The following TENM1 variants were observed in gnomAD, a reference collection of about 807,000 sequenced individuals.
TENM1 encodes teneurin-1.
TENM1 carries 35 observed loss-of-function variants against 174.8 expected under a neutral mutation model. The ratio of observed to expected loss-of-function variants is 0.20; its 90% CI spans 0.15 to 0.27. The LOEUF is 0.27. TENM1 is among the 10% of genes least tolerant of loss of function. The pLI, the probability that TENM1 is intolerant of heterozygous loss-of-function variation, is 1.00. For missense variants in TENM1, 1,633 were observed against 2,130.1 expected (o/e 0.77, Z 4.59); for synonymous variants, 781 against 798.7 (o/e 0.98, Z 0.37).
intron 4 of TENM1, among the ~76,000 whole-genome samples, chrX:124,719,728 A>C (rs896277398): frequency 8.9e-6 from 1 of 111,982 alleles, no homozygotes; most frequent in African/African-American, 3.3e-5. Context: ...GGTAAGGTCA[A>C]CGTCAAGAAT....
chrX:124,570,091 C>G (rs1385415026), intron 11 of TENM1, among the ~76,000 whole-genome samples: 3 of 111,076 alleles, frequency 2.7e-5, no homozygotes, highest in Non-Finnish European at 3.8e-5. Flanking sequence ...TTACTAACAG[C>G]TTTTTGCCAA....
intron 8 of TENM1, among the ~76,000 whole-genome samples, chrX:124,650,276 G>A (rs1398253808): frequency 1.8e-5 from 2 of 109,178 alleles, no homozygotes; most frequent in Admixed American, 9.8e-5. Context: ...TTTGATTTTG[G>A]GAAAATTTAC....
intron 3 of TENM1, among the ~76,000 whole-genome samples, chrX:124,853,982 G>A (rs933808111): frequency 4.5e-5 from 5 of 110,794 alleles, no homozygotes; most frequent in African/African-American, 1.3e-4. Flanking sequence ...AAAGGTTTAC[G>A]AAATAGATAG....
intron 25 of TENM1, among the ~76,000 whole-genome samples, chrX:124,416,233 G>A (rs986251182): frequency 1.8e-5 from 2 of 111,387 alleles, no homozygotes; most frequent in African/African-American, 6.5e-5. Flanking sequence ...AACCCCATAT[G>A]AATTAACCGT....
intron 23 of TENM1, among the ~76,000 whole-genome samples, chrX:124,444,826 T>C (rs2060948764): frequency 9.0e-6 from 1 of 111,030 alleles, no homozygotes; most frequent in Non-Finnish European, 1.9e-5. Flanking sequence ...TAAAATGAAG[T>C]ATAGTTAAAT....
At chrX:125,049,583 T>G in the TENM1 span, among the ~76,000 whole-genome samples, 2 of 112,288 alleles carry the variant, frequency 1.8e-5, no homozygotes, top group Non-Finnish European at 3.8e-5. Context: ...ATAGAAACTA[T>G]GTTTAACTTT....
the TENM1 span, among the ~76,000 whole-genome samples, chrX:124,976,736 C>T: frequency 9.0e-6 from 1 of 111,028 alleles, no homozygotes; most frequent in Non-Finnish European, 1.9e-5. Context: ...CACAATTCCC[C>T]CTACCTACCC....
the TENM1 span, among the ~76,000 whole-genome samples, chrX:125,082,618 A>G: frequency 9.0e-6 from 1 of 111,125 alleles, no homozygotes; most frequent in Non-Finnish European, 1.9e-5. Flanking sequence ...CCTGTACTTC[A>G]TTCATTTATT....
intron 14 of TENM1, 76 bp from the exon 18 acceptor site, chrX:124,547,166 G>A: frequency 2.5e-6 from 2 of 797,107 alleles, no homozygotes; most frequent in East Asian, 6.9e-5. Context: ...TACATAAATG[G>A]AGAAAATTCT....
Position 124,633,600 on chromosome X carries a change from C to CTA in TENM1, c.2077+8189_2077+8190dup, listed in dbSNP as rs925434213. Reference sequence around the variant, plus strand: ...TAAATTGCCTTACAATCTTAAATTACTATATATATATATAATTATAAAATC... The same window carrying CTA: ...TAAATTGCCTTACAATCTTAAATTACTATATATATATATATAATTATAAAATC... On this transcript the variant is annotated intron_variant, in intron 11 of 31. Transcript: ENST00000422452. Among the ~76,000 whole-genome samples, 156 of 108,838 alleles carry CTA rather than the reference C, an allele frequency of 1.4e-3. 1 individual carries two copies. Among genetic ancestry groups the CTA allele is most frequent in the Admixed American group, 4.3e-3 (43 of 10,114 alleles). The allele number at this position is 108,838 out of a possible 115,157, so 94.5% of individuals were successfully genotyped here.
intron 3 of TENM1, among the ~76,000 whole-genome samples, chrX:124,821,236 G>C (rs5958596): frequency 0.074 from 8,279 of 111,594 alleles, 563 homozygotes; most frequent in African/African-American, 0.21. Context: ...TCACTACAGA[G>C]AGGTGGCTTG....
At chrX:124,565,632 A>G (rs1456597355) in intron 11 of TENM1, 72 bp from the exon 15 acceptor site, 1 of 712,726 alleles carries the variant, frequency 1.4e-6, no homozygotes, top group Non-Finnish European at 1.9e-6. Context: ...AAAAAACATT[A>G]TAATTACCAA....
chrX:124,452,851 C>T (rs2061056074), intron 23 of TENM1, among the ~76,000 whole-genome samples: 2 of 74,882 alleles, frequency 2.7e-5, no homozygotes, highest in Admixed American at 4.0e-4. Flanking sequence ...GGACATCACT[C>T]ACCCTGTTGT....
intron 3 of TENM1, among the ~76,000 whole-genome samples, chrX:124,781,056 A>G (rs1007034019): frequency 8.9e-6 from 1 of 111,760 alleles, no homozygotes; most frequent in African/African-American, 3.3e-5. Flanking sequence ...CTTGTTAAAC[A>G]TTATTGTACT....
the TENM1 span, among the ~76,000 whole-genome samples, chrX:125,022,718 A>G: frequency 9.0e-6 from 1 of 111,585 alleles, no homozygotes; most frequent in African/African-American, 3.3e-5. Flanking sequence ...AGAACAAGGC[A>G]GTTCTTACTA....
At chrX:125,123,755 T>C in the TENM1 span, among the ~76,000 whole-genome samples, 1 of 112,819 alleles carries the variant, frequency 8.9e-6, no homozygotes, top group Non-Finnish European at 1.9e-5. Context: ...TAAATTCTGA[T>C]ATCACTCATG....
chrX:124,978,007 AG>A, the TENM1 span, among the ~76,000 whole-genome samples: 1,074 of 87,388 alleles, frequency 0.012, 19 homozygotes, highest in African/African-American at 0.046. Flanking sequence ...AGAGAGAGAG[AG>A]AGAGAGAGAG....
chrX:124,612,076 G>A (rs191500817), intron 11 of TENM1, among the ~76,000 whole-genome samples: 2 of 111,894 alleles, frequency 1.8e-5, no homozygotes, highest in Non-Finnish European at 3.8e-5. Flanking sequence ...AGATGAGGAA[G>A]GTAATTCAGT....
chrX:124,705,975 G>A (rs1481147562), intron 4 of TENM1, among the ~76,000 whole-genome samples: 1 of 111,482 alleles, frequency 9.0e-6, no homozygotes, highest in Non-Finnish European at 1.9e-5. Flanking sequence ...GCATGATCTC[G>A]GCTCACTGCA....
Sources: allele counts gnomAD v4.1 joint callset (sites outside exome capture counted in the v4.1 genomes callset), GRCh38; gene constraint gnomAD v4.1.1; transcripts MANE v1.5; gene names NCBI Gene and HGNC (gene_info 2026-07-23, HGNC 2026-07-21).